FAM151B: variants seen among roughly 807,000 people sequenced by gnomAD.
FAM151B encodes family with sequence similarity 151 member B.
FAM151B carries 24 observed loss-of-function variants against 31.2 expected under a neutral mutation model. The observed-to-expected ratio is 0.77, with a 90% CI of 0.56 to 1.08. The LOEUF is 1.08. FAM151B is among the 50% of genes least tolerant of loss of function. FAM151B has a pLI of 0.00. For missense variants in FAM151B, 293 were observed against 328.6 expected (o/e 0.89, Z 0.84); for synonymous variants, 105 against 111.4 (o/e 0.94, Z 0.36).
At chr5:80,494,461 TTTCTTTCTTTCTTTCTTTCTTTC>T (rs1561359156) in intron 1 of FAM151B, among the ~76,000 whole-genome samples, 2 of 43,522 alleles carry the variant, frequency 4.6e-5, no homozygotes, top group African/African-American at 2.2e-4. Context: ...CTTTCTTTTC[TTTCTTTCTTTCTTTCTTTCTTTC>T]TTTCTTTCTT....
At chr5:80,529,616 G>A (rs966903155) in intron 5 of FAM151B, among the ~76,000 whole-genome samples, 2 of 152,092 alleles carry the variant, frequency 1.3e-5, no homozygotes, top group Non-Finnish European at 2.9e-5. Flanking sequence ...ACACCTCTAC[G>A]CAAATAAACG....
intron 2 of FAM151B, among the ~76,000 whole-genome samples, chr5:80,503,921 T>A (rs1173655261): frequency 6.6e-6 from 1 of 152,012 alleles, no homozygotes; most frequent in African/African-American, 2.4e-5. Context: ...CAAGCAGAAG[T>A]GTGCCCTGAC....
chr5:80,532,369 T>TA (rs1042861705), intron 5 of FAM151B, among the ~76,000 whole-genome samples: 9 of 150,978 alleles, frequency 6.0e-5, no homozygotes, highest in Admixed American at 1.3e-4. Flanking sequence ...AAAAGTATAA[T>TA]AAAAAAAAAT....
chr5:80,502,036 C>A, intron 2 of FAM151B, 119 bp downstream of exon 2: 2 of 578,032 alleles, frequency 3.5e-6, no homozygotes, highest in Admixed American at 3.4e-5. Flanking sequence ...AAGTTCCAGG[C>A]TGACATGAGT....
intron 5 of FAM151B, among the ~76,000 whole-genome samples, chr5:80,538,444 C>CTTTCTTTT (rs1745657117): frequency 1.8e-5 from 1 of 54,396 alleles, no homozygotes. Context: ...TTCTTTCTTT[C>CTTTCTTTT]TTTCTCTTTC....
chr5:80,512,334 C>T (rs183515646), intron 2 of FAM151B, among the ~76,000 whole-genome samples: 188 of 152,274 alleles, frequency 1.2e-3, no homozygotes, highest in African/African-American at 4.3e-3. Flanking sequence ...GATTACAGTT[C>T]ATTTGCTCAT....
intron 3 of FAM151B, 44 bp downstream of exon 3, chr5:80,513,813 G>T: frequency 6.5e-7 from 1 of 1,545,324 alleles, no homozygotes; most frequent in Non-Finnish European, 8.7e-7. Flanking sequence ...AAAAGTAATA[G>T]CTGTGCCTGA....
intron 3 of FAM151B, among the ~76,000 whole-genome samples, chr5:80,517,977 C>G (rs1744536923): frequency 6.7e-6 from 1 of 150,024 alleles, no homozygotes; most frequent in African/African-American, 2.5e-5. Flanking sequence ...GAGGCAGAGG[C>G]AGGAGAATGG....
At chr5:80,490,444 T>C (rs1743278950) in intron 1 of FAM151B, among the ~76,000 whole-genome samples, 1 of 152,264 alleles carries the variant, frequency 6.6e-6, no homozygotes, top group Non-Finnish European at 1.5e-5. Context: ...ATACAACTTA[T>C]TTAAAGAGTA....
intron 1 of FAM151B, among the ~76,000 whole-genome samples, chr5:80,497,428 A>C (rs566797141): frequency 6.6e-6 from 1 of 151,726 alleles, no homozygotes; most frequent in South Asian, 2.1e-4. Flanking sequence ...AAAAAAAAAA[A>C]ACAAAAACAA....
Position 80,522,073 on chromosome 5 carries a change from T to G in FAM151B, c.606T>G (p.Pro202=), listed in dbSNP as rs1744746365. Reference sequence around the variant, plus strand: ...AACTAAGTCAGCCTGTAACGTTCCCTGTCAGAGCAGCATTAGTCAGGCAGT... The same window carrying G: ...AACTAAGTCAGCCTGTAACGTTCCCGGTCAGAGCAGCATTAGTCAGGCAGT... ...CNELSQPVTF[P]VRAALVRQSC... Residue 202 remains proline (P), a synonymous_variant, in exon 5 of 6, where the codon CCT becomes CCG. Coordinates refer to ENST00000282226, the MANE Select transcript of FAM151B (RefSeq NM_205548.3). 2 of 1,613,264 alleles carry G rather than the reference T, an allele frequency of 1.2e-6. No individual in the cohort carries two copies. Among genetic ancestry groups the G allele is most frequent in the Non-Finnish European group, 8.5e-7 (1 of 1,179,344 alleles).
At chr5:80,525,881 T>C (rs1744938311) in intron 5 of FAM151B, among the ~76,000 whole-genome samples, 1 of 151,768 alleles carries the variant, frequency 6.6e-6, no homozygotes, top group Non-Finnish European at 1.5e-5. Context: ...TATGCATATA[T>C]ATATATATAT....
chr5:80,541,536 G>C, intron 5 of FAM151B, 137 bp from the exon 6 acceptor site: 1 of 761,830 alleles, frequency 1.3e-6, no homozygotes, highest in Non-Finnish European at 2.2e-6. Context: ...TGAAAGTACA[G>C]TTACACCATT....
At chr5:80,513,458 A>G in intron 2 of FAM151B, 146 bp from the exon 3 acceptor site, 2 of 699,460 alleles carry the variant, frequency 2.9e-6, no homozygotes, top group Non-Finnish European at 4.6e-6. Flanking sequence ...GACCTTGTAT[A>G]CTGCCTGGCA....
At chr5:80,502,040 C>A in intron 2 of FAM151B, 123 bp downstream of exon 2, 1 of 543,688 alleles carries the variant, frequency 1.8e-6, no homozygotes, top group Non-Finnish European at 2.9e-6. Context: ...TCCAGGCTGA[C>A]ATGAGTATTT....
At chr5:80,506,095 T>C (rs1743949736) in intron 2 of FAM151B, 1 of 985,456 alleles carries the variant, frequency 1.0e-6, no homozygotes, top group African/African-American at 1.7e-5. Context: ...TTCTGCTCCA[T>C]ACAAGCATAT....
intron 2 of FAM151B, chr5:80,506,060 A>T (rs945467262): frequency 1.0e-6 from 1 of 985,908 alleles, no homozygotes; most frequent in African/African-American, 1.7e-5. Flanking sequence ...CCGGCCAAGA[A>T]CTTTACTTTT....
chr5:80,498,922 C>T (rs1000876166), intron 1 of FAM151B: 10 of 289,330 alleles, frequency 3.5e-5, no homozygotes, highest in Admixed American at 1.8e-4. Flanking sequence ...CTATTGTGTC[C>T]GAGGGTTCAA....
chr5:80,540,776 A>G (rs1008977697), intron 5 of FAM151B, among the ~76,000 whole-genome samples: 5 of 152,164 alleles, frequency 3.3e-5, no homozygotes, highest in Non-Finnish European at 5.9e-5. Context: ...TTCTAATATG[A>G]TACTGCTGTG....
Sources: gnomAD v4.1 joint callset for allele counts (sites outside exome capture counted in the v4.1 genomes callset) on GRCh38, gnomAD v4.1.1 for gene constraint, MANE v1.5 for transcripts, NCBI Gene and HGNC (gene_info 2026-07-23, HGNC 2026-07-21) for gene names.